The following KANK4 variants were observed in gnomAD, a reference collection of about 807,000 sequenced individuals.
KANK4 encodes the protein KN motif and ankyrin repeat domains 4, also known as KN motif and ankyrin repeat domain-containing protein 4.
KANK4 carries 50 observed loss-of-function variants against 80.8 expected under a neutral mutation model. The observed-to-expected ratio is 0.62, with a 90% CI of 0.49 to 0.78. The LOEUF is 0.78. Ranked by LOEUF, KANK4 falls within the 30% of genes least tolerant of loss-of-function variation. The pLI, the probability that KANK4 is intolerant of heterozygous loss-of-function variation, is 0.00. For missense variants in KANK4, 1,196 were observed against 1,240.1 expected (o/e 0.96, Z 0.53); for synonymous variants, 465 against 506.9 (o/e 0.92, Z 1.11).
intron 2 of KANK4, among the ~76,000 whole-genome samples, chr1:62,280,340 T>G (rs1672425582): frequency 6.6e-6 from 1 of 152,146 alleles, no homozygotes; most frequent in African/African-American, 2.4e-5. Flanking sequence ...CTCCCCAGTG[T>G]GCTGAGAAGG....
chr1:62,310,096 TC>T (rs1238048567), intron 1 of KANK4, among the ~76,000 whole-genome samples: 2 of 152,180 alleles, frequency 1.3e-5, no homozygotes, highest in Admixed American at 1.3e-4. Flanking sequence ...AATGTGCTCC[TC>T]CCCTGTTCCC....
chr1:62,281,542 T>C lies in KANK4; in HGVS notation c.16+7A>G. 1 of 1,614,230 alleles carries C rather than the reference T, an allele frequency of 6.2e-7. No homozygotes were observed. The highest frequency in any genetic ancestry group is 1.1e-5 in the South Asian group (1 of 91,084). Reference sequence around the variant, plus strand: ...TTAAACCAGGCCCTACAAAGCAGCTTGCCTACCATCTGTCTTCTCCATCTT... The same window carrying C: ...TTAAACCAGGCCCTACAAAGCAGCTCGCCTACCATCTGTCTTCTCCATCTT... On this transcript the variant is annotated splice_region_variant and intron_variant, in intron 2 of 9. Transcript: ENST00000371153.
At chr1:62,318,619 A>G (rs1644562180) in intron 1 of KANK4, among the ~76,000 whole-genome samples, 1 of 152,198 alleles carries the variant, frequency 6.6e-6, no homozygotes, top group African/African-American at 2.4e-5. Flanking sequence ...TTGCGACAGG[A>G]GAGAGACTAA....
intron 1 of KANK4, among the ~76,000 whole-genome samples, chr1:62,300,117 G>C (rs1236744495): frequency 2.0e-5 from 3 of 152,106 alleles, no homozygotes; most frequent in Non-Finnish European, 4.4e-5. Flanking sequence ...TCCCCCTCCA[G>C]GGCAAAAGTG....
intron 1 of KANK4, among the ~76,000 whole-genome samples, chr1:62,309,918 A>C (rs1644484424): frequency 6.6e-6 from 1 of 152,248 alleles, no homozygotes; most frequent in African/African-American, 2.4e-5. Context: ...TTTTGGCACC[A>C]GCAAGCATCA....
chr1:62,299,154 T>C (rs1162300948), intron 1 of KANK4, among the ~76,000 whole-genome samples: 1 of 152,024 alleles, frequency 6.6e-6, no homozygotes, highest in Non-Finnish European at 1.5e-5. Context: ...ACCTCCTAAG[T>C]TCAAGTGATC....
At chr1:62,251,515 G>A (rs570713190) in intron 8 of KANK4, among the ~76,000 whole-genome samples, 47 of 152,206 alleles carry the variant, frequency 3.1e-4, no homozygotes, top group African/African-American at 1.0e-3. Context: ...AGGAGTCCCC[G>A]TTGTTCCATG....
chr1:62,282,147 G>A (rs1194246565), intron 1 of KANK4, among the ~76,000 whole-genome samples: 1 of 152,138 alleles, frequency 6.6e-6, no homozygotes, highest in Non-Finnish European at 1.5e-5. Flanking sequence ...TGCAAGTACT[G>A]ACAGGGAGCT....
intron 1 of KANK4, among the ~76,000 whole-genome samples, chr1:62,294,396 C>G (rs1644340802): frequency 6.6e-6 from 1 of 152,204 alleles, no homozygotes; most frequent in Non-Finnish European, 1.5e-5. Flanking sequence ...GGCACCCCTG[C>G]ACCCACCCTC....
At position 62,274,809 on chromosome 1, in the gene KANK4, C is replaced by T. The variant is rs1381076119; in HGVS notation, c.295G>A (p.Ala99Thr). 6 of 1,614,146 alleles carry T rather than the reference C, an allele frequency of 3.7e-6. No homozygotes were observed. The East Asian group carries it at 1.1e-4, about 30-fold the overall frequency. ...QNWSPVVPREASLGTQEQNQS... is the reference protein window; with the variant it reads ...QNWSPVVPRETSLGTQEQNQS... ...TTTTGCTCCTGTGTCCCAAGTGATG[C>T]CTCCCTTGGCACCACGGGAGACCAG... is the stretch of plus-strand genomic sequence containing the variant. The change falls in exon 3 of 10, where the codon GCA becomes ACA. Residue 99 changes from alanine (A) to threonine (T), a missense_variant. By Grantham distance (58) the Ala-to-Thr change is moderately conservative. This residue lies in a region of KANK4 where 1,154 missense variants were observed against 1,179.6 expected (regional missense o/e 0.98). Coordinates refer to ENST00000371153, the MANE Select transcript of KANK4 (RefSeq NM_181712.5).
intron 1 of KANK4, among the ~76,000 whole-genome samples, chr1:62,313,882 A>T (rs867285261): frequency 5.7e-4 from 85 of 149,516 alleles, no homozygotes; most frequent in Middle Eastern, 6.8e-3. Flanking sequence ...ATTTTTTTTT[A>T]AATTTAAACA....
chr1:62,279,509 T>C (rs780123456), intron 2 of KANK4, among the ~76,000 whole-genome samples: 1 of 152,206 alleles, frequency 6.6e-6, no homozygotes, highest in Non-Finnish European at 1.5e-5. Context: ...AACCAACACA[T>C]GGCCAACCTG....
intron 1 of KANK4, among the ~76,000 whole-genome samples, chr1:62,292,582 G>A (rs915565059): frequency 6.6e-6 from 1 of 152,058 alleles, no homozygotes. Flanking sequence ...CTCTTTAATC[G>A]GTGTGAGGCC....
At chr1:62,266,052 A>T (rs1158019969) in intron 6 of KANK4, among the ~76,000 whole-genome samples, 1 of 152,186 alleles carries the variant, frequency 6.6e-6, no homozygotes, top group Non-Finnish European at 1.5e-5. Flanking sequence ...CCCATTCTAC[A>T]TGCTTTTCAC....
intron 1 of KANK4, among the ~76,000 whole-genome samples, chr1:62,317,367 A>G (rs2149177401): frequency 6.6e-6 from 1 of 152,314 alleles, no homozygotes; most frequent in African/African-American, 2.4e-5. Context: ...ACGAGCAGGC[A>G]TGGGCTGTCT....
chr1:62,275,526 G>A (rs9803815), intron 2 of KANK4, among the ~76,000 whole-genome samples: 58,009 of 152,018 alleles, frequency 0.38, 11,620 homozygotes, highest in African/African-American at 0.47. Context: ...AAGTGGCTCA[G>A]CAGTAAAAAA....
intron 7 of KANK4, among the ~76,000 whole-genome samples, chr1:62,253,978 C>T (rs981620257): frequency 9.9e-5 from 15 of 152,160 alleles, no homozygotes; most frequent in South Asian, 6.2e-4. Flanking sequence ...GAATGCCACC[C>T]ACGGCTGTGC....
At chr1:62,275,753 G>A (rs1488982369) in intron 2 of KANK4, among the ~76,000 whole-genome samples, 1 of 147,818 alleles carries the variant, frequency 6.8e-6, no homozygotes, top group Non-Finnish European at 1.5e-5. Flanking sequence ...TAACAAACAC[G>A]AAATTCACTT....
rs1284189943 is a variant in KANK4, at chr1:62,287,363, GA to G, written c.-70-5730del. Among the ~76,000 whole-genome samples, 6 of 152,324 alleles carry G rather than the reference GA, an allele frequency of 3.9e-5. No homozygotes were observed. In the South Asian group the frequency reaches 1.0e-3, roughly 26 times the overall value. The stretch of plus-strand genomic sequence containing the variant: ...ACCAAGTGAGGCTGTGCTGGGAAAT[GA>G]AGCCTCACAGTAAGACACATCACAT... On this transcript the variant is annotated intron_variant, in intron 1 of 9. Coordinates refer to ENST00000371153, the MANE Select transcript of KANK4 (RefSeq NM_181712.5).
Sources: gnomAD v4.1 joint callset for allele counts (sites outside exome capture counted in the v4.1 genomes callset) on GRCh38, gnomAD v4.1.1 for gene constraint, gnomAD v4.1.1 regional missense constraint, MANE v1.5 for transcripts, NCBI Gene and HGNC (gene_info 2026-07-23, HGNC 2026-07-21) for gene names.